The following MTCL2 variants were observed in gnomAD, a reference collection of about 807,000 sequenced individuals.
The protein encoded by MTCL2 is microtubule crosslinking factor 2.
chr20:36,863,516 G>A, the MTCL2 span: 1 of 335,278 alleles, frequency 3.0e-6, no homozygotes, highest in East Asian at 1.0e-4. This position sits in a 1 kb window ranked among gnomAD's most constrained non-coding sequence, Gnocchi z 6.2. Context: ...CGGTCTCTCC[G>A]CTGCTCTGGG....
the MTCL2 span, among the ~76,000 whole-genome samples, chr20:36,791,113 C>T: frequency 6.6e-6 from 1 of 152,032 alleles, no homozygotes; most frequent in Non-Finnish European, 1.5e-5. Context: ...CAGCTCACTG[C>T]AGCCTCCGCC....
chr20:36,815,969 A>G, the MTCL2 span: 1 of 1,613,406 alleles, frequency 6.2e-7, no homozygotes, highest in Non-Finnish European at 8.5e-7. The surrounding 1 kb of genome is among the most constrained non-coding windows in gnomAD (Gnocchi z 5.3). Flanking sequence ...GGCGTGCCTC[A>G]GGACCCCCAC....
chr20:36,841,956 A>G, the MTCL2 span, among the ~76,000 whole-genome samples: 1 of 149,644 alleles, frequency 6.7e-6, no homozygotes, highest in Non-Finnish European at 1.5e-5. Flanking sequence ...TTGCTCATGA[A>G]CTGAGCTCAA....
the MTCL2 span, among the ~76,000 whole-genome samples, chr20:36,828,210 T>G: frequency 3.3e-5 from 5 of 152,126 alleles, no homozygotes; most frequent in African/African-American, 1.2e-4. Flanking sequence ...CCCAGGCCAT[T>G]TGGAACACAG....
At chr20:36,842,482 G>C in the MTCL2 span, among the ~76,000 whole-genome samples, 49 of 152,286 alleles carry the variant, frequency 3.2e-4, no homozygotes, top group Admixed American at 5.9e-4. Flanking sequence ...ATACTAAGAA[G>C]GGAAACTGGC....
the MTCL2 span, among the ~76,000 whole-genome samples, chr20:36,801,734 G>C: frequency 6.6e-6 from 1 of 152,116 alleles, no homozygotes; most frequent in Non-Finnish European, 1.5e-5. Context: ...GGAAGACCGA[G>C]GCGGGCGGAT....
At chr20:36,805,049 A>T in the MTCL2 span, 30 of 870,650 alleles carry the variant, frequency 3.4e-5, 1 homozygote, top group East Asian at 7.8e-4. Context: ...TCTCACCCAT[A>T]AAATGGGAAT....
chr20:36,807,207 C>T, the MTCL2 span, among the ~76,000 whole-genome samples: 15 of 152,244 alleles, frequency 9.9e-5, no homozygotes, highest in African/African-American at 3.4e-4. Flanking sequence ...TGGTGGCCTG[C>T]GAGAATGATG....
At chr20:36,855,232 T>G in the MTCL2 span, among the ~76,000 whole-genome samples, 4 of 152,094 alleles carry the variant, frequency 2.6e-5, no homozygotes, top group African/African-American at 9.7e-5. Flanking sequence ...GGCAAGGACA[T>G]CCACATCCCC....
the MTCL2 span, among the ~76,000 whole-genome samples, chr20:36,833,116 TA>T: frequency 6.6e-6 from 1 of 152,188 alleles, no homozygotes; most frequent in African/African-American, 2.4e-5. Flanking sequence ...GCTATAGAAC[TA>T]AGGTTTGAAA....
chr20:36,810,716 C>CT, the MTCL2 span, among the ~76,000 whole-genome samples: 1,074 of 133,288 alleles, frequency 8.1e-3, 11 homozygotes, highest in African/African-American at 0.026. Context: ...TTCTCTCTCT[C>CT]CCTCTCTCTC....
At chr20:36,829,107 C>A in the MTCL2 span, 1 of 1,567,588 alleles carries the variant, frequency 6.4e-7, no homozygotes. Flanking sequence ...AGCTCAGTCT[C>A]GATGAGCCGC....
At chr20:36,789,237 T>C in the MTCL2 span, among the ~76,000 whole-genome samples, 1 of 152,230 alleles carries the variant, frequency 6.6e-6, no homozygotes, top group Non-Finnish European at 1.5e-5. Context: ...CTGTTGTTTC[T>C]TGATGTGGTG....
the MTCL2 span, among the ~76,000 whole-genome samples, chr20:36,796,205 G>T: frequency 2.0e-5 from 3 of 152,228 alleles, no homozygotes; most frequent in Non-Finnish European, 4.4e-5. Flanking sequence ...ATATGGAAAT[G>T]CACGTGTCAG....
chr20:36,820,023 C>G, the MTCL2 span, among the ~76,000 whole-genome samples: 1 of 152,150 alleles, frequency 6.6e-6, no homozygotes, highest in Admixed American at 6.5e-5. Flanking sequence ...AGCAGACCCC[C>G]GTATAGCATG....
At chr20:36,815,852 A>C in the MTCL2 span, 1 of 1,602,220 alleles carries the variant, frequency 6.2e-7, no homozygotes, top group Admixed American at 1.7e-5. The surrounding 1 kb of genome is among the most constrained non-coding windows in gnomAD (Gnocchi z 5.3). Context: ...CGAGCTCGGC[A>C]GAGGAGCGCC....
chr20:36,821,575 G>A, the MTCL2 span, among the ~76,000 whole-genome samples: 12 of 152,042 alleles, frequency 7.9e-5, no homozygotes, highest in South Asian at 6.2e-4. Flanking sequence ...ATTCTTAGCC[G>A]GGTGTTGTGG....
the MTCL2 span, among the ~76,000 whole-genome samples, chr20:36,810,730 C>CTCTCTCTT: frequency 3.4e-5 from 5 of 147,556 alleles, no homozygotes; most frequent in Admixed American, 3.4e-4. Flanking sequence ...CTCTCTCTCT[C>CTCTCTCTT]TCTCTCTCTC....
the MTCL2 span, chr20:36,784,532 G>A: frequency 6.1e-6 from 6 of 985,590 alleles, no homozygotes; most frequent in East Asian, 6.8e-4. Flanking sequence ...CTGCAGACAA[G>A]CTGATCCATC....
Sources: gnomAD v4.1 joint callset for allele counts (sites outside exome capture counted in the v4.1 genomes callset) on GRCh38, gnomAD v4.1.1 for gene constraint, Gnocchi (gnomAD v3.1) non-coding constraint, MANE v1.5 for transcripts, NCBI Gene and HGNC (gene_info 2026-07-23, HGNC 2026-07-21) for gene names.